LRRC36: variants seen among roughly 807,000 people sequenced by gnomAD.
LRRC36 encodes the protein leucine-rich repeat-containing protein 36.
In LRRC36, 62 loss-of-function variants were observed where a neutral mutation model predicts 81.1. That is an observed-to-expected ratio of 0.76 (90% CI 0.62 to 0.94). LRRC36 has a LOEUF of 0.94. Ranked by LOEUF, LRRC36 falls within the 40% of genes least tolerant of loss-of-function variation. The pLI is 0.00. For synonymous variants in LRRC36, 334 were observed against 348.6 expected, an observed-to-expected ratio of 0.96 and a Z score of 0.47; for missense variants, 761 against 881.7, an observed-to-expected ratio of 0.86 and a Z score of 1.73.
chr16:67,368,657 G>A (rs911429298), intron 8 of LRRC36, among the ~76,000 whole-genome samples: 55 of 152,332 alleles, frequency 3.6e-4, no homozygotes, highest in African/African-American at 1.2e-3. Flanking sequence ...GCAAGGGAGT[G>A]ATGTGATCTC....
intron 1 of LRRC36, among the ~76,000 whole-genome samples, chr16:67,328,140 GA>G (rs969266365): frequency 6.6e-6 from 1 of 152,136 alleles, no homozygotes; most frequent in Admixed American, 6.6e-5. Flanking sequence ...TAATTTGGTA[GA>G]GGGGGGAAAT....
chr16:67,367,370 A>ACCAC lies in LRRC36; in HGVS notation c.1110_1113dup (p.Ala372HisfsTer17). The ACCAC allele has an allele frequency of 6.2e-7, 1 of 1,614,144 alleles. No homozygotes were observed. The highest frequency in any genetic ancestry group is 8.5e-7 in the Non-Finnish European group (1 of 1,179,986). ...CATAAAGCCTTCAAATGACATAAAG[A>ACCAC]CCACCGCTTCACATTCCTGTGGAGA... On this transcript the variant is annotated frameshift_variant, in exon 8 of 14. Transcript: ENST00000329956. LOFTEE classifies it high-confidence loss of function.
At chr16:67,378,146 G>T (rs2039974146) in intron 11 of LRRC36, among the ~76,000 whole-genome samples, 3 of 151,670 alleles carry the variant, frequency 2.0e-5, no homozygotes, top group Admixed American at 1.3e-4. Context: ...AAATTCTAGT[G>T]AGAAAGAGAT....
At chr16:67,361,560 A>G (rs1290924205) in intron 5 of LRRC36, among the ~76,000 whole-genome samples, 1 of 152,112 alleles carries the variant, frequency 6.6e-6, no homozygotes, top group Non-Finnish European at 1.5e-5. Flanking sequence ...GTGAACTGCA[A>G]AATACTAATG....
intron 1 of LRRC36, among the ~76,000 whole-genome samples, chr16:67,335,218 G>A (rs1490625886): frequency 1.3e-5 from 2 of 152,190 alleles, no homozygotes; most frequent in African/African-American, 2.4e-5. Context: ...TCCTACAGCT[G>A]TGACCATAAA....
intron 8 of LRRC36, among the ~76,000 whole-genome samples, chr16:67,369,458 A>G (rs1448440039): frequency 1.3e-5 from 2 of 152,214 alleles, no homozygotes; most frequent in Non-Finnish European, 2.9e-5. Context: ...TGAAGAAGAC[A>G]TTAATGAACA....
Position 67,346,341 on chromosome 16 carries a change from C to A in LRRC36, c.284C>A (p.Pro95Gln). 6.2e-7 allele frequency: 1 copy of A among 1,612,538 alleles called. No individual in the cohort carries two copies. The highest frequency in any genetic ancestry group is 1.1e-5 in the South Asian group (1 of 90,948). Residue 95 changes from proline to glutamine, a missense_variant, in exon 3 of 14, where the codon CCG becomes CAG. Coordinates refer to ENST00000329956, the MANE Select transcript of LRRC36 (RefSeq NM_018296.6). The part of the protein sequence containing the change: ...PSLVEVSRLQ[P>Q]LPFLKELDLR... ...TTAGTGGAAGTGTCCCGTCTACAAC[C>A]GTTACCCTTCCTCAAAGAACTGGAT...
intron 8 of LRRC36, among the ~76,000 whole-genome samples, chr16:67,369,700 G>C (rs939048129): frequency 1.3e-5 from 2 of 152,184 alleles, no homozygotes; most frequent in African/African-American, 4.8e-5. Context: ...TGAATGAGGA[G>C]CAAAGTCACG....
At chr16:67,334,818 G>T (rs2037679860) in intron 1 of LRRC36, among the ~76,000 whole-genome samples, 1 of 152,084 alleles carries the variant, frequency 6.6e-6, no homozygotes, top group South Asian at 2.1e-4. Flanking sequence ...GAGTACAAAA[G>T]AGAGAAATTT....
Position 67,375,298 on chromosome 16 carries a change from C to G in LRRC36, c.1546C>G (p.Pro516Ala). Residue 516 changes from proline (P) to alanine (A), a missense_variant, in exon 10 of 14, where the codon CCC (proline) becomes GCC (alanine). Coordinates refer to ENST00000329956, the MANE Select transcript of LRRC36 (RefSeq NM_018296.6). ...GCACGGTTTGGCTGGAAACCACAGT[C>G]CCCCCATCTCTGCCAGAACCCCCCA... ...SLHGLAGNHSPPISARTPHVA... is the reference protein window; with the variant it reads ...SLHGLAGNHSAPISARTPHVA... 1 of 1,611,952 alleles carries G rather than the reference C, an allele frequency of 6.2e-7. No individual in the cohort carries two copies. Among genetic ancestry groups the G allele is most frequent in the Non-Finnish European group, 8.5e-7 (1 of 1,179,528 alleles).
chr16:67,336,454 C>T (rs2037764988), intron 1 of LRRC36, among the ~76,000 whole-genome samples: 1 of 152,176 alleles, frequency 6.6e-6, no homozygotes, highest in South Asian at 2.1e-4. Context: ...ATGAGAGTTC[C>T]TTTTGCCCCA....
At chr16:67,376,695 T>C (rs915157349) in intron 10 of LRRC36, 32 bp from the exon 11 acceptor site, 7 of 1,598,828 alleles carry the variant, frequency 4.4e-6, no homozygotes, top group Non-Finnish European at 6.0e-6. Flanking sequence ...CTTTTAAGAT[T>C]GGCCTGTGTG....
chr16:67,326,862 G>T lies in LRRC36; in HGVS notation c.-1G>T. 1 of 1,437,722 alleles carries T rather than the reference G, an allele frequency of 7.0e-7. No homozygotes were observed. The allele number at this position is 1,437,722 out of a possible 1,614,324, so 89.1% of individuals were successfully genotyped here. The stretch of plus-strand genomic sequence containing the variant: ...CGGTGGCAGGTGAGCGGCGGGCGGG[G>T]ATGGCGGAGCAATGGGAGCTGGACG... On this transcript the variant is annotated 5_prime_UTR_variant, in exon 1 of 14. Coordinates refer to ENST00000329956, the MANE Select transcript of LRRC36 (RefSeq NM_018296.6).
At chr16:67,341,680 T>C (rs1338998935) in intron 1 of LRRC36, among the ~76,000 whole-genome samples, 1 of 152,160 alleles carries the variant, frequency 6.6e-6, no homozygotes, top group Non-Finnish European at 1.5e-5. Context: ...GCAGTGGGGT[T>C]GCTGAATATC....
At chr16:67,372,560 C>T (rs1436575860) in intron 9 of LRRC36, among the ~76,000 whole-genome samples, 1 of 152,136 alleles carries the variant, frequency 6.6e-6, no homozygotes, top group Non-Finnish European at 1.5e-5. Flanking sequence ...AAGATCCATC[C>T]ATGTGGTTAG....
At position 67,363,203 on chromosome 16, in the gene LRRC36, A is replaced by G. The variant is rs535516057; in HGVS notation, c.578-387A>G. 2.0e-5 allele frequency among the ~76,000 whole-genome samples: 3 copies of G among 152,334 alleles called. No homozygotes were observed. In the East Asian group the frequency reaches 5.8e-4, roughly 29 times the overall value. On this transcript the variant is annotated intron_variant, in intron 5 of 13. Transcript: ENST00000329956. ...TGTATAATGCCAGGAGTCTATTCCC[A>G]GCATCTCCCCCTGTAGTTGGAGATT...
At chr16:67,370,858 C>T in intron 8 of LRRC36, 86 bp from the exon 9 acceptor site, 1 of 1,134,184 alleles carries the variant, frequency 8.8e-7, no homozygotes, top group East Asian at 2.4e-5. Context: ...TTATTATGAC[C>T]CTTGGACTAC....
At chr16:67,359,920 C>T (rs561967181) in intron 5 of LRRC36, among the ~76,000 whole-genome samples, 22 of 152,148 alleles carry the variant, frequency 1.4e-4, no homozygotes, top group South Asian at 1.0e-3. Context: ...GTCAGGAGTT[C>T]GAGACCAGCC....
At chr16:67,345,623 A>G (rs906851669) in intron 2 of LRRC36, among the ~76,000 whole-genome samples, 1 of 152,106 alleles carries the variant, frequency 6.6e-6, no homozygotes, top group Non-Finnish European at 1.5e-5. Flanking sequence ...GGTAGCAGGA[A>G]CTCTGAAGAG....
Sources: gnomAD v4.1 joint callset for allele counts (sites outside exome capture counted in the v4.1 genomes callset) on GRCh38, gnomAD v4.1.1 for gene constraint, MANE v1.5 for transcripts, NCBI Gene and HGNC (gene_info 2026-07-23, HGNC 2026-07-21) for gene names.